The following CSMD1 variants were observed in gnomAD, a reference collection of about 807,000 sequenced individuals.
CSMD1 encodes the protein CUB and Sushi multiple domains 1.
A neutral mutation model predicts 417.5 loss-of-function variants in CSMD1; 213 were observed. The ratio of observed to expected loss-of-function variants is 0.51; its 90% CI spans 0.46 to 0.57. The LOEUF (loss-of-function observed/expected upper bound fraction) is 0.57, where lower values mean the gene tolerates loss of function less well. CSMD1 is among the 20% of genes least tolerant of loss of function. CSMD1 has a pLI of 0.00. For missense variants in CSMD1, 6,923 were observed against 4,529.7 expected (o/e 1.53, Z -15.17); for synonymous variants, 2,862 against 1,736.8 (o/e 1.65, Z -16.11).
Position 4,834,941 on chromosome 8 carries a change from G to T in CSMD1, c.85+159391C>A, listed in dbSNP as rs6990677. 6.5e-5 allele frequency among the ~76,000 whole-genome samples: 8 copies of T among 122,294 alleles called. 1 individual carries two copies. Among genetic ancestry groups the T allele is most frequent in the Non-Finnish European group, 1.1e-4 (7 of 61,528 alleles). The allele number at this position is 122,294 out of a possible 152,430, so 80.2% of individuals were successfully genotyped here. On this transcript the variant is annotated intron_variant, in intron 1 of 69. Transcript: ENST00000635120. ...CACTGCACTCCAGCCTGGGCGACAG[G>T]GCCAGACTCCATCTCAAAAAAAAAA...
At position 4,660,919 on chromosome 8, in the gene CSMD1, C is replaced by G. The variant is rs764202266; in HGVS notation, c.86-23361G>C. On this transcript the variant is annotated intron_variant, in intron 1 of 69. Transcript: ENST00000635120. ...GCAAATTACAACTACAATGAGATAT[C>G]ACTTCACACTTACAATAATGGCTAA... Among the ~76,000 whole-genome samples, 5 of 152,124 alleles carry G rather than the reference C, an allele frequency of 3.3e-5. No homozygotes were observed. In the East Asian group the frequency reaches 9.6e-4, roughly 29 times the overall value.
intron 3 of CSMD1, among the ~76,000 whole-genome samples, chr8:4,336,321 G>A (rs948008794): frequency 1.3e-5 from 2 of 152,098 alleles, no homozygotes; most frequent in African/African-American, 2.4e-5. Context: ...TCTGTAGAAA[G>A]GCACATTTTT....
At chr8:4,731,704 A>T (rs73175315) in intron 1 of CSMD1, among the ~76,000 whole-genome samples, 1 of 152,140 alleles carries the variant, frequency 6.6e-6, no homozygotes, top group Non-Finnish European at 1.5e-5. Flanking sequence ...CAAAGCTCCA[A>T]TGGGTTCACG....
intron 1 of CSMD1, among the ~76,000 whole-genome samples, chr8:4,916,149 T>A (rs551311038): frequency 6.6e-6 from 1 of 152,182 alleles, no homozygotes; most frequent in Non-Finnish European, 1.5e-5. Context: ...ACTCAGGGCA[T>A]AAAAATGTTT....
intron 6 of CSMD1, among the ~76,000 whole-genome samples, chr8:3,743,360 T>C (rs17067312): frequency 0.16 from 24,045 of 152,208 alleles, 1,933 homozygotes; most frequent in Admixed American, 0.18. Context: ...TTTAGAAAAA[T>C]AGATAATTTG....
intron 3 of CSMD1, among the ~76,000 whole-genome samples, chr8:4,157,244 G>A (rs111800671): frequency 3.3e-5 from 5 of 152,070 alleles, no homozygotes; most frequent in African/African-American, 1.2e-4. Context: ...AACACAACAG[G>A]GCCCGTTTGT....
At chr8:3,173,210 T>G (rs988825590) in intron 37 of CSMD1, among the ~76,000 whole-genome samples, 1 of 152,232 alleles carries the variant, frequency 6.6e-6, no homozygotes, top group African/African-American at 2.4e-5. Flanking sequence ...GAGTAAAATT[T>G]TAATCTGTTA....
At chr8:4,322,679 C>G (rs1799337119) in intron 3 of CSMD1, among the ~76,000 whole-genome samples, 1 of 152,120 alleles carries the variant, frequency 6.6e-6, no homozygotes. Flanking sequence ...TGCTTATTTT[C>G]AAAGAGATGG....
intron 1 of CSMD1, among the ~76,000 whole-genome samples, chr8:4,989,224 C>G (rs12334943): frequency 0.012 from 1,874 of 152,184 alleles, 38 homozygotes; most frequent in African/African-American, 0.043. Context: ...GCCGAAACAT[C>G]TATTTCTATT....
rs914757155 is a variant in CSMD1 at position 3,251,905 on chromosome 8, C to G, written c.4154-21674G>C. 1.1e-4 allele frequency among the ~76,000 whole-genome samples: 16 copies of G among 152,242 alleles called. No individual in the cohort carries two copies. The East Asian group carries it at 3.1e-3, about 29-fold the overall frequency. ...TATAAGAATGCTTGTGATTTTTGCA[C>G]ATTGATTTTGTATCCTGAGACTTTG... On this transcript the variant is annotated intron_variant, in intron 26 of 69. Transcript: ENST00000635120.
At chr8:4,065,341 G>A (rs569020337) in intron 3 of CSMD1, among the ~76,000 whole-genome samples, 1 of 152,166 alleles carries the variant, frequency 6.6e-6, no homozygotes, top group East Asian at 1.9e-4. Context: ...AATAAGGCTG[G>A]TGTTCACCAA....
intron 2 of CSMD1, among the ~76,000 whole-genome samples, chr8:4,446,761 G>GTGTGTGTGTC (rs1798830119): frequency 1.4e-5 from 1 of 69,052 alleles, no homozygotes; most frequent in African/African-American, 8.5e-5. Context: ...GTGTCTGTGT[G>GTGTGTGTGTC]TGTGTGTGTG....
intron 25 of CSMD1, among the ~76,000 whole-genome samples, chr8:3,301,797 G>C (rs1196579575): frequency 6.6e-6 from 1 of 152,132 alleles, no homozygotes; most frequent in East Asian, 1.9e-4. Context: ...AGATTGGAGA[G>C]AATAAAGGAT....
At chr8:4,042,815 T>TTAAA (rs1487345501) in intron 3 of CSMD1, among the ~76,000 whole-genome samples, 2 of 41,312 alleles carry the variant, frequency 4.8e-5, no homozygotes, top group Non-Finnish European at 8.5e-5. Flanking sequence ...TACAACATAT[T>TTAAA]AAAAAAAAAA....
At chr8:4,433,851 G>T (rs892661770) in intron 2 of CSMD1, among the ~76,000 whole-genome samples, 84 of 152,210 alleles carry the variant, frequency 5.5e-4, no homozygotes, top group African/African-American at 2.0e-3. Flanking sequence ...AAAAAGACTG[G>T]AATCTAAAGC....
At chr8:3,681,012 T>C (rs1279767668) in intron 7 of CSMD1, among the ~76,000 whole-genome samples, 1 of 152,118 alleles carries the variant, frequency 6.6e-6, no homozygotes, top group African/African-American at 2.4e-5. Flanking sequence ...AAACTCTCAA[T>C]AAATTAGGTA....
rs1423976301 is a variant in CSMD1 at position 4,920,479 on chromosome 8, T to G, written c.85+73853A>C. Among the ~76,000 whole-genome samples, 3 of 152,172 alleles carry G rather than the reference T, an allele frequency of 2.0e-5. No individual in the cohort carries two copies. In the East Asian group the frequency reaches 5.8e-4, roughly 29 times the overall value. On this transcript the variant is annotated intron_variant, in intron 1 of 69. Transcript: ENST00000635120. ...AAAGTATATGTCTGCAGCAAGATCATTTTTCTCAGGAATCAAGGATTTAGT... is the reference window on the plus strand; with the variant it reads ...AAAGTATATGTCTGCAGCAAGATCAGTTTTCTCAGGAATCAAGGATTTAGT...
chr8:3,748,812 T>G (rs577098831), intron 6 of CSMD1, among the ~76,000 whole-genome samples: 2 of 152,240 alleles, frequency 1.3e-5, no homozygotes, highest in African/African-American at 4.8e-5. Flanking sequence ...GGAAAATCAA[T>G]AGTTATAGGG....
At chr8:4,009,435 C>A (rs1345788417) in intron 4 of CSMD1, among the ~76,000 whole-genome samples, 1 of 152,156 alleles carries the variant, frequency 6.6e-6, no homozygotes, top group Non-Finnish European at 1.5e-5. Context: ...AAATATTCAA[C>A]AGCGGATACA....
Sources: allele counts gnomAD v4.1 joint callset (sites outside exome capture counted in the v4.1 genomes callset), GRCh38; gene constraint gnomAD v4.1.1; transcripts MANE v1.5; gene names NCBI Gene and HGNC (gene_info 2026-07-23, HGNC 2026-07-21).